Variants in STPG2 observed in about 807,000 individuals in gnomAD.
The protein encoded by STPG2 is sperm-tail PG-rich repeat-containing protein 2.
Under a neutral mutation model 54.2 loss-of-function variants are expected in STPG2, and 56 were observed. The ratio of observed to expected loss-of-function variants is 1.03; its 90% CI spans 0.83 to 1.29. The LOEUF (loss-of-function observed/expected upper bound fraction) is 1.29. STPG2 is among the 50% of genes most tolerant of loss of function. STPG2 has a pLI of 0.00. For missense variants in STPG2, 596 were observed against 544.9 expected, an observed-to-expected ratio of 1.09 and a Z score of -0.93; for synonymous variants, 200 against 181.8, an observed-to-expected ratio of 1.10 and a Z score of -0.81.
chr4:97,654,630 A>G (rs1055393685), intron 10 of STPG2, among the ~76,000 whole-genome samples: 1 of 152,124 alleles, frequency 6.6e-6, no homozygotes, highest in African/African-American at 2.4e-5. Flanking sequence ...TCTTCACTAG[A>G]ACATATGCCA....
intron 10 of STPG2, among the ~76,000 whole-genome samples, chr4:97,629,218 A>T (rs2148931066): frequency 6.6e-6 from 1 of 152,176 alleles, no homozygotes; most frequent in African/African-American, 2.4e-5. Flanking sequence ...TTGTTGAAAG[A>T]GCCAAATAAT....
At chr4:97,816,816 C>T (rs1727927252) in intron 9 of STPG2, among the ~76,000 whole-genome samples, 1 of 150,236 alleles carries the variant, frequency 6.7e-6, no homozygotes, top group Non-Finnish European at 1.5e-5. Flanking sequence ...TTCTGACCCT[C>T]TTCCTTCCTT....
chr4:97,789,474 G>A (rs1468891459), intron 9 of STPG2, among the ~76,000 whole-genome samples: 2 of 151,640 alleles, frequency 1.3e-5, no homozygotes, highest in East Asian at 2.0e-4. Context: ...TTTGCCTCTT[G>A]GTTTCCATTA....
chr4:97,452,912 A>AT (rs1468382934), intron 4 of STPG2, among the ~76,000 whole-genome samples: 1 of 152,186 alleles, frequency 6.6e-6, no homozygotes, highest in Non-Finnish European at 1.5e-5. Flanking sequence ...CTATTGCTCA[A>AT]TATAACTTCT....
chr4:97,795,267 T>C (rs1332731674), intron 9 of STPG2, among the ~76,000 whole-genome samples: 2 of 152,352 alleles, frequency 1.3e-5, no homozygotes, highest in Non-Finnish European at 2.9e-5. Context: ...TACATATGTA[T>C]ACATGTGCCA....
chr4:97,619,551 C>T (rs1733957672), intron 10 of STPG2, among the ~76,000 whole-genome samples: 1 of 145,090 alleles, frequency 6.9e-6, no homozygotes, highest in Admixed American at 7.0e-5. Context: ...CACCTCTGGG[C>T]ACCTCTAGGG....
intron 5 of STPG2, among the ~76,000 whole-genome samples, chr4:98,021,634 A>T (rs1346757058): frequency 6.6e-6 from 1 of 151,960 alleles, no homozygotes; most frequent in East Asian, 1.9e-4. Context: ...GTCTCCCATT[A>T]TTATTGTGTG....
intron 5 of STPG2, among the ~76,000 whole-genome samples, chr4:97,990,589 C>T (rs1308864901): frequency 6.6e-6 from 1 of 152,116 alleles, no homozygotes; most frequent in Non-Finnish European, 1.5e-5. Flanking sequence ...ATAAGCCCCA[C>T]ATATGATTCT....
intron 10 of STPG2, among the ~76,000 whole-genome samples, chr4:97,582,062 T>A (rs1732875510): frequency 6.6e-6 from 1 of 152,010 alleles, no homozygotes; most frequent in Non-Finnish European, 1.5e-5. Context: ...TAATTTTCTT[T>A]TTGCCAAGCA....
intron 5 of STPG2, among the ~76,000 whole-genome samples, chr4:97,993,982 C>A (rs1012154906): frequency 1.3e-5 from 2 of 152,058 alleles, no homozygotes; most frequent in Non-Finnish European, 2.9e-5. Flanking sequence ...CTCTTCATTT[C>A]TTCATTAATC....
At chr4:97,827,029 A>G (rs550573781) in intron 9 of STPG2, among the ~76,000 whole-genome samples, 174 of 152,298 alleles carry the variant, frequency 1.1e-3, no homozygotes, top group African/African-American at 4.0e-3. Flanking sequence ...TTCTGATAAC[A>G]TTGGAGATTA....
chr4:97,653,726 G>A (rs1241667087), intron 10 of STPG2, among the ~76,000 whole-genome samples: 4 of 152,142 alleles, frequency 2.6e-5, no homozygotes, highest in Admixed American at 2.6e-4. Context: ...CAAGTAGAAT[G>A]ACTGTTGACT....
In STPG2 at chr4:98,134,346, C is replaced by A. The variant is rs754945465; in HGVS notation, c.222+1G>T. ...GTCAATTATAGTAACTATAAAGTTA[C>A]CTGTGCTTCTGAAACATTATAGTGT... On this transcript the variant is annotated splice_donor_variant, in intron 2 of 10. Coordinates refer to ENST00000295268, the MANE Select transcript of STPG2 (RefSeq NM_174952.3). LOFTEE classifies it high-confidence loss of function. The A allele has an allele frequency of 1.6e-5, 24 of 1,523,054 alleles. No individual in the cohort carries two copies. Among genetic ancestry groups the A allele is most frequent in the Non-Finnish European group, 1.9e-5 (21 of 1,128,756 alleles). The allele number at this position is 1,523,054 out of a possible 1,614,324, so 94.3% of individuals were successfully genotyped here. A position where few individuals can be genotyped will look rare whatever the true frequency, so the allele number is the denominator to read the frequency against.
Position 98,092,536 on chromosome 4 carries a change from A to G in STPG2, c.612+13417T>C, listed in dbSNP as rs1012811631. ...TAAGGAAGAAAGTAAAAATGTTTAC[A>G]TTGAAATTAATGGAATAATCCACCC... On this transcript the variant is annotated intron_variant, in intron 5 of 10. Transcript: ENST00000295268. Among the ~76,000 whole-genome samples, 34 of 152,190 alleles carry G rather than the reference A, an allele frequency of 2.2e-4. 1 individual carries two copies. The highest frequency in any genetic ancestry group is 7.5e-4 in the African/African-American group (31 of 41,560).
chr4:98,094,784 G>A (rs1339579692), intron 5 of STPG2, among the ~76,000 whole-genome samples: 1 of 152,200 alleles, frequency 6.6e-6, no homozygotes, highest in Non-Finnish European at 1.5e-5. Flanking sequence ...GGAAAGGGGA[G>A]TGTAGGTCAA....
At chr4:97,944,933 A>G (rs1188127021) in intron 7 of STPG2, among the ~76,000 whole-genome samples, 1 of 152,222 alleles carries the variant, frequency 6.6e-6, no homozygotes, top group Non-Finnish European at 1.5e-5. Context: ...ACTTTCAAAA[A>G]TAGAACAATC....
chr4:97,527,933 C>A (rs569863477), intron 4 of STPG2, among the ~76,000 whole-genome samples: 1 of 151,890 alleles, frequency 6.6e-6, no homozygotes, highest in Non-Finnish European at 1.5e-5. Context: ...CAAAATTTTT[C>A]TCCCATTCTT....
chr4:97,462,883 A>G (rs1458471759), intron 4 of STPG2, among the ~76,000 whole-genome samples: 4 of 152,100 alleles, frequency 2.6e-5, no homozygotes, highest in Non-Finnish European at 5.9e-5. Context: ...ATTGAATAGC[A>G]GTGGTTATAA....
At chr4:97,861,743 C>T (rs1297392406) in intron 8 of STPG2, among the ~76,000 whole-genome samples, 1 of 152,128 alleles carries the variant, frequency 6.6e-6, no homozygotes, top group Non-Finnish European at 1.5e-5. Flanking sequence ...ACTCTACAAG[C>T]CAGAAGAGAG....
Sources: allele counts gnomAD v4.1 joint callset (sites outside exome capture counted in the v4.1 genomes callset), GRCh38; gene constraint gnomAD v4.1.1; transcripts MANE v1.5; gene names NCBI Gene and HGNC (gene_info 2026-07-23, HGNC 2026-07-21).